The following SPATC1 variants were observed in gnomAD, a reference collection of about 807,000 sequenced individuals.
The protein encoded by SPATC1 is speriolin.
In SPATC1, 35 loss-of-function variants were observed where a neutral mutation model predicts 36.5. The ratio of observed to expected loss-of-function variants is 0.96; its 90% CI spans 0.73 to 1.27. The LOEUF is 1.27. SPATC1 is among the 50% of genes most tolerant of loss of function. SPATC1 has a pLI of 0.00. For synonymous variants in SPATC1, 361 were observed against 353.6 expected, an observed-to-expected ratio of 1.02 and a Z score of -0.24; for missense variants, 779 against 796.0, an observed-to-expected ratio of 0.98 and a Z score of 0.26.
chr8:144,035,124 A>G lies in SPATC1; in HGVS notation c.212-4785A>G, dbSNP rs1834871971. 2.0e-5 allele frequency among the ~76,000 whole-genome samples: 3 copies of G among 152,164 alleles called. No homozygotes were observed. The South Asian group carries it at 6.2e-4, about 32-fold the overall frequency. On this transcript the variant is annotated intron_variant, in intron 1 of 4. Transcript: ENST00000377470. ...GCCAAGGTTTTATCATTAACAGACA[A>G]ACAGGATGGGTCTTTCTGAGGCCTG... is the stretch of plus-strand genomic sequence containing the variant.
chr8:144,011,072 A>G (rs1834278221), upstream of SPATC1, among the ~76,000 whole-genome samples: 1 of 151,944 alleles, frequency 6.6e-6, no homozygotes, highest in South Asian at 2.1e-4. The surrounding 1 kb of genome is among the most constrained non-coding windows in gnomAD (Gnocchi z 4.5). Flanking sequence ...CAAGTATATA[A>G]TAGCTTCACA....
intron 4 of SPATC1, among the ~76,000 whole-genome samples, chr8:144,044,403 G>A (rs1297078610): frequency 2.6e-5 from 4 of 151,202 alleles, no homozygotes; most frequent in Non-Finnish European, 5.9e-5. Flanking sequence ...ACGGGTTCAC[G>A]CCATTCTCCT....
chr8:144,038,193 G>C (rs1834965304), intron 1 of SPATC1, among the ~76,000 whole-genome samples: 1 of 150,970 alleles, frequency 6.6e-6, no homozygotes, highest in South Asian at 2.1e-4. Context: ...CCAGTACTTT[G>C]GGAAGCCCAG....
At chr8:144,015,780 G>A (rs1412524845) in intron 1 of SPATC1, among the ~76,000 whole-genome samples, 12 of 150,042 alleles carry the variant, frequency 8.0e-5, no homozygotes, top group African/African-American at 2.0e-4. Flanking sequence ...GAAAAAATAG[G>A]TTGGGCTTGG....
intron 4 of SPATC1, chr8:144,042,056 C>G (rs1464066136): frequency 1.5e-5 from 14 of 956,380 alleles, no homozygotes; most frequent in African/African-American, 1.8e-5. Context: ...GGGCAACAAA[C>G]CAAGACTCCA....
intron 1 of SPATC1, among the ~76,000 whole-genome samples, chr8:144,036,761 A>G (rs1282224335): frequency 6.6e-6 from 1 of 152,140 alleles, no homozygotes; most frequent in Non-Finnish European, 1.5e-5. Context: ...GGGAGCCTGT[A>G]AAATGTCTAT....
At chr8:144,036,015 T>C (rs1008081013) in intron 1 of SPATC1, among the ~76,000 whole-genome samples, 1 of 152,290 alleles carries the variant, frequency 6.6e-6, no homozygotes, top group Non-Finnish European at 1.5e-5. Context: ...CTCCCTCTCC[T>C]TCACGTCTGT....
chr8:144,021,484 T>C (rs1834533925), intron 1 of SPATC1, among the ~76,000 whole-genome samples: 2 of 114,538 alleles, frequency 1.7e-5, no homozygotes, highest in African/African-American at 3.2e-5. Context: ...AGGACTGCCT[T>C]CCCTCAGGAC....
intron 4 of SPATC1, among the ~76,000 whole-genome samples, chr8:144,044,334 C>G (rs1455146929): frequency 1.3e-5 from 2 of 149,736 alleles, no homozygotes; most frequent in Non-Finnish European, 3.0e-5. Context: ...TGGAGTCTCG[C>G]TCTGTCGCCC....
chr8:144,023,808 G>C (rs1587498338), intron 1 of SPATC1, among the ~76,000 whole-genome samples: 49 of 310 alleles, frequency 0.16, 24 homozygotes, highest in Admixed American at 0.25. Context: ...CTAGAACCCT[G>C]TCCCTGTCCC....
chr8:144,024,662 C>T (rs2133115709), intron 1 of SPATC1, among the ~76,000 whole-genome samples: 1 of 150,228 alleles, frequency 6.7e-6, no homozygotes, highest in East Asian at 2.0e-4. Context: ...CCTCTTCTCT[C>T]AAGACCCTCT....
chr8:144,021,251 AC>A (rs1834524038), intron 1 of SPATC1, among the ~76,000 whole-genome samples: 3 of 146,542 alleles, frequency 2.0e-5, no homozygotes, highest in African/African-American at 5.1e-5. Flanking sequence ...TCCCCTCAGG[AC>A]TCTCTTCCTT....
rs1554752635 is a variant in SPATC1 at position 144,012,720 on chromosome 8, A to G, written c.205A>G (p.Asn69Asp). ...AACAGCAGGCCTTTCCTCACGCCAG[A>G]ACAATGGTAAGAGGCCTCGCTCCCA... ...EATAGLSSRQNNGVFLPPSPA... is the reference protein window; with the variant it reads ...EATAGLSSRQDNGVFLPPSPA... Residue 69 changes from asparagine (N) to aspartate (D), a missense_variant, in exon 1 of 5, where the codon AAC becomes GAC. Asn to Asp is a conservative substitution (Grantham distance 23). Coordinates refer to ENST00000377470, the MANE Select transcript of SPATC1 (RefSeq NM_198572.3). 3 of 1,551,544 alleles carry G rather than the reference A, an allele frequency of 1.9e-6. No homozygotes were observed. In the African/African-American group the frequency reaches 4.1e-5, roughly 21 times the overall value.
rs1474110369 is a variant in SPATC1 at position 144,012,334 on chromosome 8, G to A, written c.-182G>A. The A allele has an allele frequency of 3.3e-6, 2 of 607,664 alleles. No individual in the cohort carries two copies. Among genetic ancestry groups the A allele is most frequent in the African/African-American group, 3.7e-5 (2 of 53,952 alleles). 37.6% of individuals were successfully genotyped at this position (607,664 alleles called of 1,614,324 possible). A position where few individuals can be genotyped will look rare whatever the true frequency, so the allele number is the denominator to read the frequency against. ...CAGGCCTGGTGGCATGGAGAGCTGA[G>A]GGTGTTAGAGCAGAGAGGGCAAGGA... On this transcript the variant is annotated 5_prime_UTR_variant, in exon 1 of 5. Coordinates refer to ENST00000377470, the MANE Select transcript of SPATC1 (RefSeq NM_198572.3).
intron 1 of SPATC1, among the ~76,000 whole-genome samples, chr8:144,033,269 G>A (rs1258898748): frequency 3.3e-5 from 5 of 152,110 alleles, no homozygotes; most frequent in East Asian, 3.9e-4. Flanking sequence ...ATGGTGGCAC[G>A]CACCTGTAAT....
chr8:144,025,170 AC>A (rs1298356437), intron 1 of SPATC1, among the ~76,000 whole-genome samples: 3 of 149,866 alleles, frequency 2.0e-5, no homozygotes, highest in Admixed American at 2.0e-4. Flanking sequence ...TCACCTCAGG[AC>A]CCTTTCTCCT....
intron 1 of SPATC1, among the ~76,000 whole-genome samples, chr8:144,028,514 C>T (rs1249484395): frequency 6.6e-6 from 1 of 152,204 alleles, no homozygotes; most frequent in Admixed American, 6.5e-5. Context: ...TACCATCTCA[C>T]ACCAGTCACA....
chr8:144,026,064 C>T (rs990393517), intron 1 of SPATC1, among the ~76,000 whole-genome samples: 13 of 152,232 alleles, frequency 8.5e-5, no homozygotes, highest in African/African-American at 3.1e-4. Flanking sequence ...AAAGAAACCT[C>T]ATCCCCTTTA....
rs1210580489 is a variant in SPATC1, at chr8:144,045,634, G to A, written c.1447-993G>A. ...AAACTGCAGGAGGAGCTTGGGCAGG[G>A]GATAGCCCACCCAACTCCACTTTAG... On this transcript the variant is annotated intron_variant, in intron 4 of 4. Transcript: ENST00000377470. This position sits in a 1 kb window ranked among gnomAD's most constrained non-coding sequence, Gnocchi z 5.2. Among the ~76,000 whole-genome samples the A allele has an allele frequency of 6.6e-6, 1 of 152,224 alleles. No homozygotes were observed. The highest frequency in any genetic ancestry group is 1.5e-5 in the Non-Finnish European group (1 of 68,028).
Sources: gnomAD v4.1 joint callset for allele counts (sites outside exome capture counted in the v4.1 genomes callset) on GRCh38, gnomAD v4.1.1 for gene constraint, Gnocchi (gnomAD v3.1) non-coding constraint, MANE v1.5 for transcripts, NCBI Gene and HGNC (gene_info 2026-07-23, HGNC 2026-07-21) for gene names.